Variants in GRID2 observed in about 807,000 individuals in gnomAD.
GRID2 encodes the protein glutamate receptor ionotropic, delta-2.
Under a neutral mutation model 114.8 loss-of-function variants are expected in GRID2, and 33 were observed. That is an observed-to-expected ratio of 0.29 (90% confidence interval 0.22 to 0.38). The LOEUF is 0.38. Ranked by LOEUF, GRID2 falls within the 10% of genes least tolerant of loss-of-function variation. The pLI, the probability that GRID2 is intolerant of heterozygous loss-of-function variation, is 1.00. For missense variants in GRID2, 1,184 were observed against 1,257.7 expected, an observed-to-expected ratio of 0.94 and a Z score of 0.89; for synonymous variants, 505 against 449.9, an observed-to-expected ratio of 1.12 and a Z score of -1.55.
chr4:93,621,881 A>G (rs1358446864), intron 13 of GRID2, among the ~76,000 whole-genome samples: 1 of 152,138 alleles, frequency 6.6e-6, no homozygotes, highest in African/African-American at 2.4e-5. Context: ...ATTGCAAGAG[A>G]CAGCATATAT....
chr4:93,662,800 T>C (rs1282586429), intron 14 of GRID2, among the ~76,000 whole-genome samples: 1 of 152,154 alleles, frequency 6.6e-6, no homozygotes, highest in Non-Finnish European at 1.5e-5. Flanking sequence ...TAGTACCAGA[T>C]CAAACTAATC....
intron 2 of GRID2, among the ~76,000 whole-genome samples, chr4:92,951,924 TA>T: frequency 6.6e-6 from 1 of 152,212 alleles, no homozygotes; most frequent in African/African-American, 2.4e-5. Flanking sequence ...ATTATTTCAT[TA>T]CATGGATATG....
intron 8 of GRID2, among the ~76,000 whole-genome samples, chr4:93,276,889 A>G (rs1752113255): frequency 6.6e-6 from 1 of 151,948 alleles, no homozygotes; most frequent in African/African-American, 2.4e-5. Flanking sequence ...TAAAGCTTAT[A>G]ATAATTTCTT....
chr4:93,226,174 C>A (rs1301320302), intron 7 of GRID2, among the ~76,000 whole-genome samples: 6 of 152,156 alleles, frequency 3.9e-5, no homozygotes, highest in Admixed American at 3.9e-4. Context: ...AAAATATATT[C>A]ATTCTATCCC....
chr4:93,030,342 C>T (rs1724286460), intron 2 of GRID2, among the ~76,000 whole-genome samples: 1 of 151,820 alleles, frequency 6.6e-6, no homozygotes, highest in Non-Finnish European at 1.5e-5. Flanking sequence ...GCAGTGAGGA[C>T]CGTATGGTGA....
chr4:92,741,637 C>A (rs188343283), intron 2 of GRID2, among the ~76,000 whole-genome samples: 1 of 152,134 alleles, frequency 6.6e-6, no homozygotes, highest in Non-Finnish European at 1.5e-5. Flanking sequence ...TGTCTGCAAG[C>A]CTTTGCTCAG....
At chr4:93,247,328 G>T (rs1323958701) in intron 8 of GRID2, among the ~76,000 whole-genome samples, 1 of 152,176 alleles carries the variant, frequency 6.6e-6, no homozygotes, top group Admixed American at 6.5e-5. Flanking sequence ...TCCCAGAAGA[G>T]ATTAGCATTT....
At chr4:92,878,374 T>C (rs1232988606) in intron 2 of GRID2, among the ~76,000 whole-genome samples, 1 of 152,172 alleles carries the variant, frequency 6.6e-6, no homozygotes, top group Non-Finnish European at 1.5e-5. Flanking sequence ...ATCATTTTTA[T>C]GTAGCCCAGC....
chr4:92,835,177 G>C (rs1742369190), intron 2 of GRID2, among the ~76,000 whole-genome samples: 1 of 118,982 alleles, frequency 8.4e-6, no homozygotes. Context: ...AATACAACAA[G>C]CAGCTGAAAG....
chr4:92,527,312 T>G (rs1725091385), intron 1 of GRID2, among the ~76,000 whole-genome samples: 1 of 152,164 alleles, frequency 6.6e-6, no homozygotes. Context: ...AAAATTGATT[T>G]CTTCAGTTTT....
chr4:93,436,767 T>C (rs1214193187), intron 10 of GRID2, among the ~76,000 whole-genome samples: 1 of 151,988 alleles, frequency 6.6e-6, no homozygotes, highest in Non-Finnish European at 1.5e-5. Flanking sequence ...CACTGCTACA[T>C]GAAGTAAAAA....
At chr4:93,254,996 C>G (rs1749405188) in intron 8 of GRID2, among the ~76,000 whole-genome samples, 1 of 152,048 alleles carries the variant, frequency 6.6e-6, no homozygotes, top group Admixed American at 6.6e-5. Flanking sequence ...GAAATTCAGG[C>G]CTCCTAAATG....
At chr4:93,664,828 T>C (rs747409989) in intron 14 of GRID2, among the ~76,000 whole-genome samples, 1 of 152,186 alleles carries the variant, frequency 6.6e-6, no homozygotes, top group Non-Finnish European at 1.5e-5. Context: ...TGATAGAACC[T>C]AATGTGTAAG....
At chr4:93,732,301 C>A (rs1426308345) in intron 14 of GRID2, among the ~76,000 whole-genome samples, 1 of 152,150 alleles carries the variant, frequency 6.6e-6, no homozygotes, top group Non-Finnish European at 1.5e-5. Context: ...TACTAAAATG[C>A]CACAAGAGAC....
intron 9 of GRID2, among the ~76,000 whole-genome samples, chr4:93,412,313 G>C (rs991825570): frequency 7.9e-6 from 1 of 126,788 alleles, no homozygotes; most frequent in Non-Finnish European, 1.8e-5. Context: ...AGGATTGCTT[G>C]AGCCCAGGAG....
chr4:93,213,121 G>T (rs1743760985), intron 5 of GRID2, among the ~76,000 whole-genome samples: 1 of 152,052 alleles, frequency 6.6e-6, no homozygotes, highest in African/African-American at 2.4e-5. Context: ...GCCTATATGT[G>T]TAATGGATGT....
chr4:93,611,984 T>C (rs1740977899), intron 13 of GRID2, among the ~76,000 whole-genome samples: 1 of 149,476 alleles, frequency 6.7e-6, no homozygotes, highest in African/African-American at 2.5e-5. Flanking sequence ...ACTTGCTTTA[T>C]GAATCTGGGT....
At chr4:93,655,293 TC>T (rs1431546764) in intron 14 of GRID2, among the ~76,000 whole-genome samples, 1 of 152,166 alleles carries the variant, frequency 6.6e-6, no homozygotes, top group Non-Finnish European at 1.5e-5. Flanking sequence ...ATGCCACAGA[TC>T]AGTAGAACAG....
intron 12 of GRID2, among the ~76,000 whole-genome samples, chr4:93,493,388 A>G (rs1384928115): frequency 6.6e-6 from 1 of 151,832 alleles, no homozygotes; most frequent in Non-Finnish European, 1.5e-5. Context: ...AATAACCTTA[A>G]TAATACAAGT....
Sources: allele counts gnomAD v4.1 joint callset (sites outside exome capture counted in the v4.1 genomes callset), GRCh38; gene constraint gnomAD v4.1.1; transcripts MANE v1.5; gene names NCBI Gene and HGNC (gene_info 2026-07-23, HGNC 2026-07-21).